KANK1: variants seen among roughly 807,000 people sequenced by gnomAD.
KANK1 encodes the protein KN motif and ankyrin repeat domain-containing protein 1.
In KANK1, 109 loss-of-function variants were observed where a neutral mutation model predicts 106.2. The observed-to-expected ratio is 1.03, with a 90% CI of 0.88 to 1.20. The LOEUF (loss-of-function observed/expected upper bound fraction) is 1.20. KANK1 is among the 50% of genes most tolerant of loss of function. KANK1 has a pLI of 0.00. For missense variants in KANK1, 2,399 were observed against 1,710.7 expected (o/e 1.40, Z -7.10); for synonymous variants, 873 against 652.2 (o/e 1.34, Z -5.16).
intron 1 of KANK1, among the ~76,000 whole-genome samples, chr9:629,938 C>T (rs1389120862): frequency 6.6e-6 from 1 of 152,116 alleles, no homozygotes; most frequent in African/African-American, 2.4e-5. Context: ...TTTTCAAGAA[C>T]AAAGGGAATA....
intron 10 of KANK1, among the ~76,000 whole-genome samples, chr9:744,230 TC>T (rs760745882): frequency 9.9e-5 from 15 of 152,062 alleles, no homozygotes; most frequent in Non-Finnish European, 1.8e-4. Context: ...ATCTTCTGCT[TC>T]CCCCTCCTGG....
In KANK1 at chr9:656,614, GC is replaced by G. The variant is rs201650772; in HGVS notation, c.-83-20272del. 5.2e-3 allele frequency among the ~76,000 whole-genome samples: 793 copies of G among 152,206 alleles called. 5 individuals carry two copies. Among genetic ancestry groups the G allele is most frequent in the African/African-American group, 0.018 (746 of 41,492 alleles). On this transcript the variant is annotated intron_variant, in intron 1 of 11. Transcript: ENST00000382297. ...TTTAAAGGACATCTCCATGGCAGAT[GC>G]CCCTACTCCCTCCCGGTGCCTGAAT...
At chr9:480,813 C>T (rs2058190687) in intron 3 of KANK1, among the ~76,000 whole-genome samples, 1 of 152,140 alleles carries the variant, frequency 6.6e-6, no homozygotes, top group African/African-American at 2.4e-5. Context: ...ACTCAAATTC[C>T]TTAAGGGGTT....
At chr9:572,768 A>C (rs1303459037) in intron 1 of KANK1, among the ~76,000 whole-genome samples, 1 of 152,122 alleles carries the variant, frequency 6.6e-6, no homozygotes, top group East Asian at 1.9e-4. Flanking sequence ...TTGCATCAGA[A>C]CATGTTTTAA....
chr9:661,632 A>G (rs1423227584), intron 1 of KANK1, among the ~76,000 whole-genome samples: 1 of 152,098 alleles, frequency 6.6e-6, no homozygotes, highest in African/African-American at 2.4e-5. Context: ...TCCTTTGGGT[A>G]TATATCCAGT....
rs1038410058 is a variant in KANK1 at position 515,065 on chromosome 9, C to T, written c.-84+10311C>T. On this transcript the variant is annotated intron_variant, in intron 1 of 11. Coordinates refer to ENST00000382297, the MANE Select transcript of KANK1 (RefSeq NM_015158.5). ...AGTAGAAAAACAAAGCCAGTTTGACCGGGTGCAGTGGCTCACGCCTGTAAT... is the reference window on the plus strand; with the variant it reads ...AGTAGAAAAACAAAGCCAGTTTGACTGGGTGCAGTGGCTCACGCCTGTAAT... 1.4e-4 allele frequency among the ~76,000 whole-genome samples: 22 copies of T among 151,846 alleles called. 2 individuals are homozygous for T. The highest frequency in any genetic ancestry group is 4.1e-4 in the South Asian group (2 of 4,826).
chr9:727,956 G>A (rs1831179290), intron 3 of KANK1, among the ~76,000 whole-genome samples: 1 of 152,064 alleles, frequency 6.6e-6, no homozygotes, highest in Non-Finnish European at 1.5e-5. Context: ...GCCATGATGG[G>A]AAGGAAGTGT....
chr9:656,204 A>T (rs1358154326), intron 1 of KANK1, among the ~76,000 whole-genome samples: 1 of 152,180 alleles, frequency 6.6e-6, no homozygotes, highest in South Asian at 2.1e-4. Flanking sequence ...CAGGTCCCAC[A>T]GTCTGGCGCC....
chr9:691,660 C>T (rs1819964006), intron 2 of KANK1, among the ~76,000 whole-genome samples: 1 of 135,946 alleles, frequency 7.4e-6, no homozygotes, highest in Admixed American at 8.4e-5. Context: ...GTCACCCAGG[C>T]TGGAGTACAG....
intron 1 of KANK1, among the ~76,000 whole-genome samples, chr9:542,690 G>T (rs879627938): frequency 1.3e-5 from 2 of 152,182 alleles, no homozygotes; most frequent in African/African-American, 2.4e-5. Context: ...AGAAAATGTG[G>T]TATATGTGTA....
chr9:585,763 G>T (rs1233445203), intron 1 of KANK1, among the ~76,000 whole-genome samples: 1 of 152,110 alleles, frequency 6.6e-6, no homozygotes, highest in East Asian at 1.9e-4. Context: ...GGTAAGAAAA[G>T]TCTATGGGGA....
intron 1 of KANK1, among the ~76,000 whole-genome samples, chr9:588,187 A>G (rs1268755884): frequency 1.3e-5 from 2 of 152,002 alleles, no homozygotes; most frequent in Non-Finnish European, 2.9e-5. Context: ...GGGCTTTTTT[A>G]CATACTTCTT....
At chr9:741,676 A>G (rs935576893) in intron 9 of KANK1, among the ~76,000 whole-genome samples, 2 of 151,558 alleles carry the variant, frequency 1.3e-5, no homozygotes, top group Non-Finnish European at 2.9e-5. Flanking sequence ...TTTAGTAGAG[A>G]CAAGGTTTCA....
In KANK1 at chr9:740,824, G is replaced by C. The variant is rs1342108699; in HGVS notation, c.3586G>C (p.Gly1196Arg). ...TAATGTGGATCACCAGAACAAGGCA[G>C]GCTACACCCCCATCATGTTGGCGGC... ...VCNVDHQNKAGYTPIMLAALA... is the reference protein window; with the variant it reads ...VCNVDHQNKARYTPIMLAALA... The change falls in exon 9 of 12, where the codon GGC (glycine) becomes CGC (arginine). Residue 1196 changes from glycine (G) to arginine (R), a missense_variant. Physicochemically the swap from Gly to Arg is moderately radical, Grantham distance 125 (BLOSUM62 -2). Transcript: ENST00000382297. The C allele has an allele frequency of 6.2e-7, 1 of 1,613,438 alleles. No homozygotes were observed. The highest frequency in any genetic ancestry group is 8.5e-7 in the Non-Finnish European group (1 of 1,179,964).
intron 3 of KANK1, among the ~76,000 whole-genome samples, chr9:716,034 A>G (rs1197635564): frequency 6.6e-6 from 1 of 152,200 alleles, no homozygotes; most frequent in African/African-American, 2.4e-5. Context: ...CAAAAGATAT[A>G]CTGGAGTATA....
intron 1 of KANK1, among the ~76,000 whole-genome samples, chr9:657,737 C>G (rs1842459773): frequency 6.6e-6 from 1 of 152,116 alleles, no homozygotes; most frequent in African/African-American, 2.4e-5. Context: ...ATTGTGAGAG[C>G]TTTTATCAGG....
chr9:742,380 G>T lies in KANK1; in HGVS notation c.3872G>T (p.Gly1291Val), dbSNP rs374102136. ...EIVKLLLAQPGCNGHLEDNDG... is the reference protein window; with the variant it reads ...EIVKLLLAQPVCNGHLEDNDG... ...GTCAAGCTGCTGCTGGCCCAGCCCG[G>T]CTGCAACGGTCACCTAGAGGACAAC... The change falls in exon 10 of 12, where the codon GGC becomes GTC. Residue 1291 changes from glycine (G) to valine (V), a missense_variant. Physicochemically the swap from Gly to Val is moderately radical, Grantham distance 109. Transcript: ENST00000382297. The T allele has an allele frequency of 1.4e-5, 22 of 1,613,686 alleles. No homozygotes were observed. Among genetic ancestry groups the T allele is most frequent in the Non-Finnish European group, 1.7e-5 (20 of 1,179,898 alleles).
At chr9:736,977 G>A (rs917180946) in intron 7 of KANK1, among the ~76,000 whole-genome samples, 2 of 152,118 alleles carry the variant, frequency 1.3e-5, no homozygotes, top group Non-Finnish European at 2.9e-5. Flanking sequence ...CCTCCAAATT[G>A]CCGAGCATGG....
At chr9:579,911 T>C (rs1238023638) in intron 1 of KANK1, among the ~76,000 whole-genome samples, 1 of 152,188 alleles carries the variant, frequency 6.6e-6, no homozygotes, top group African/African-American at 2.4e-5. Context: ...TTTTCTAATA[T>C]GACTCCACCC....
Sources: gnomAD v4.1 joint callset for allele counts (sites outside exome capture counted in the v4.1 genomes callset) on GRCh38, gnomAD v4.1.1 for gene constraint, MANE v1.5 for transcripts, NCBI Gene and HGNC (gene_info 2026-07-23, HGNC 2026-07-21) for gene names.